The following PACRG variants were observed in gnomAD, a reference collection of about 807,000 sequenced individuals.
PACRG encodes the protein parkin coregulated gene protein.
A neutral mutation model predicts 29.7 loss-of-function variants in PACRG; 29 were observed. That is an observed-to-expected ratio of 0.98 (90% CI 0.73 to 1.33). The LOEUF (loss-of-function observed/expected upper bound fraction) is 1.33, where lower values mean the gene tolerates loss of function less well. Among genes scored for constraint, PACRG ranks in the 40% most tolerant of loss-of-function variants. The pLI is 0.00. For synonymous variants in PACRG, 116 were observed against 118.7 expected (o/e 0.98, Z 0.15); for missense variants, 279 against 316.2 (o/e 0.88, Z 0.89).
At chr6:163,121,458 T>A (rs555926586) in intron 4 of PACRG, among the ~76,000 whole-genome samples, 3 of 152,276 alleles carry the variant, frequency 2.0e-5, no homozygotes, top group Admixed American at 1.3e-4. Flanking sequence ...GGGCTCACTC[T>A]CTTTGGCTCA....
chr6:162,816,092 C>G (rs1787315858), intron 2 of PACRG, among the ~76,000 whole-genome samples: 2 of 152,178 alleles, frequency 1.3e-5, no homozygotes, highest in South Asian at 2.1e-4. Context: ...GATAATCCAA[C>G]AGTCAGCAGG....
intron 2 of PACRG, among the ~76,000 whole-genome samples, chr6:162,823,649 C>T (rs909288373): frequency 4.6e-5 from 7 of 151,496 alleles, no homozygotes; most frequent in Admixed American, 4.6e-4. Flanking sequence ...GTAGCTGGGA[C>T]TACAGGCGCC....
At chr6:163,130,958 C>G (rs1287927050) in intron 4 of PACRG, among the ~76,000 whole-genome samples, 2 of 152,176 alleles carry the variant, frequency 1.3e-5, no homozygotes, top group African/African-American at 4.8e-5. Flanking sequence ...AAGATAAGGT[C>G]CTACTGGAGT....
intron 3 of PACRG, among the ~76,000 whole-genome samples, chr6:163,066,080 T>G (rs901826842): frequency 1.3e-5 from 2 of 152,106 alleles, no homozygotes; most frequent in African/African-American, 4.8e-5. Flanking sequence ...AGGTAGAAAA[T>G]ACTTGCAGCA....
At chr6:162,934,484 T>C (rs1798096075) in intron 2 of PACRG, among the ~76,000 whole-genome samples, 1 of 152,162 alleles carries the variant, frequency 6.6e-6, no homozygotes, top group Non-Finnish European at 1.5e-5. Flanking sequence ...TGTTTCCTTG[T>C]AGGTGAAATT....
intron 4 of PACRG, among the ~76,000 whole-genome samples, chr6:163,222,970 G>C (rs1781647778): frequency 6.6e-6 from 1 of 152,168 alleles, no homozygotes; most frequent in African/African-American, 2.4e-5. Flanking sequence ...AAGTAAATGA[G>C]ACTGTAATAT....
At chr6:163,296,213 T>C (rs1253984051) in intron 4 of PACRG, among the ~76,000 whole-genome samples, 1 of 152,044 alleles carries the variant, frequency 6.6e-6, no homozygotes, top group Admixed American at 6.6e-5. Flanking sequence ...AAAAAGGGAG[T>C]CCATTGTGTT....
intron 2 of PACRG, among the ~76,000 whole-genome samples, chr6:162,865,962 A>T (rs906168931): frequency 4.6e-5 from 7 of 152,208 alleles, no homozygotes; most frequent in Non-Finnish European, 1.0e-4. Flanking sequence ...AAAATGATGA[A>T]CCAGAGATAC....
intron 4 of PACRG, among the ~76,000 whole-genome samples, chr6:163,313,295 G>T (rs954975738): frequency 6.6e-6 from 1 of 151,922 alleles, no homozygotes; most frequent in South Asian, 2.1e-4. Context: ...CACTACAGTT[G>T]TGTGACTCAC....
intron 1 of PACRG, among the ~76,000 whole-genome samples, chr6:162,801,677 T>C (rs1449584761): frequency 1.3e-5 from 2 of 152,308 alleles, no homozygotes; most frequent in East Asian, 3.9e-4. Flanking sequence ...AACCAGATTT[T>C]TCATTTGGAC....
At chr6:163,244,847 G>A in intron 4 of PACRG, 1 of 258,000 alleles carries the variant, frequency 3.9e-6, no homozygotes, top group Non-Finnish European at 7.8e-6. Context: ...GGCAAACAAA[G>A]TATTTTAGCC....
chr6:162,816,359 T>C (rs749292265), intron 2 of PACRG, among the ~76,000 whole-genome samples: 1 of 152,148 alleles, frequency 6.6e-6, no homozygotes, highest in Non-Finnish European at 1.5e-5. Flanking sequence ...TTATTTTATT[T>C]ATTTATTTTT....
At chr6:162,735,176 A>G (rs1780070866) in intron 1 of PACRG, among the ~76,000 whole-genome samples, 1 of 152,162 alleles carries the variant, frequency 6.6e-6, no homozygotes, top group Admixed American at 6.5e-5. Context: ...TCCAATTTAG[A>G]ACTGTTACAA....
At chr6:163,286,309 A>G (rs912216551) in intron 4 of PACRG, among the ~76,000 whole-genome samples, 3 of 152,202 alleles carry the variant, frequency 2.0e-5, no homozygotes, top group African/African-American at 7.2e-5. Flanking sequence ...TTTTAGGAAA[A>G]TAATGCCTAT....
In PACRG at chr6:162,877,650, A is replaced by G. The variant is rs963696798; in HGVS notation, c.291+63369A>G. On this transcript the variant is annotated intron_variant, in intron 2 of 4. Transcript: ENST00000366888. ...TAAAAAAATGTTTAAGAAGAGGAAA[A>G]AAAATTCAGGAGGCTTCAGTCAGAT... Among the ~76,000 whole-genome samples, 3 of 152,248 alleles carry G rather than the reference A, an allele frequency of 2.0e-5. No individual in the cohort carries two copies. In the East Asian group the frequency reaches 5.8e-4, roughly 29 times the overall value.
chr6:162,818,449 C>CTA (rs1787544595), intron 2 of PACRG, among the ~76,000 whole-genome samples: 1 of 152,080 alleles, frequency 6.6e-6, no homozygotes, highest in Non-Finnish European at 1.5e-5. Flanking sequence ...GGAAGAAATG[C>CTA]TATATGAATT....
Position 162,965,285 on chromosome 6 carries a change from G to A in PACRG, c.292-96865G>A, listed in dbSNP as rs186800852. Among the ~76,000 whole-genome samples the A allele has an allele frequency of 2.6e-3, 402 of 152,280 alleles. 2 individuals carry two copies. Among genetic ancestry groups the A allele is most frequent in the Non-Finnish European group, 4.3e-3 (293 of 68,018 alleles). ...CCAGAAAATAAGTCATTAAAGTCTC[G>A]GGTCAGAGGTAAGGCCTGCCTGTTG... is the stretch of plus-strand genomic sequence containing the variant. On this transcript the variant is annotated intron_variant, in intron 2 of 4. Coordinates refer to ENST00000366888, the MANE Select transcript of PACRG (RefSeq NM_001080379.2).
At chr6:163,189,197 A>G (rs975238694) in intron 4 of PACRG, among the ~76,000 whole-genome samples, 2 of 152,272 alleles carry the variant, frequency 1.3e-5, no homozygotes, top group African/African-American at 2.4e-5. Context: ...AGTTCTACGT[A>G]TAACATAGTT....
chr6:162,954,577 G>A (rs773546760), intron 2 of PACRG, among the ~76,000 whole-genome samples: 6 of 151,988 alleles, frequency 3.9e-5, no homozygotes, highest in Non-Finnish European at 8.8e-5. Flanking sequence ...GTCCAGAGCT[G>A]CAATTACACT....
Sources: gnomAD v4.1 joint callset for allele counts (sites outside exome capture counted in the v4.1 genomes callset) on GRCh38, gnomAD v4.1.1 for gene constraint, MANE v1.5 for transcripts, NCBI Gene and HGNC (gene_info 2026-07-23, HGNC 2026-07-21) for gene names.